Variants in TAFA5 observed in about 807,000 individuals in gnomAD.
The protein encoded by TAFA5 is TAFA chemokine like family member 5, also known as chemokine-like protein TAFA-5.
Under a neutral mutation model 15.3 loss-of-function variants are expected in TAFA5, and 6 were observed. The ratio of observed to expected loss-of-function variants is 0.39; its 90% CI spans 0.21 to 0.77. The LOEUF is 0.77. Ranked by LOEUF, TAFA5 falls within the 30% of genes least tolerant of loss-of-function variation. TAFA5 has a pLI of 0.41. For missense variants in TAFA5, 161 were observed against 193.1 expected, an observed-to-expected ratio of 0.83 and a Z score of 0.98; for synonymous variants, 103 against 80.7, an observed-to-expected ratio of 1.28 and a Z score of -1.48.
intron 1 of TAFA5, among the ~76,000 whole-genome samples, chr22:48,578,872 C>T (rs537623260): frequency 1.2e-3 from 185 of 152,244 alleles, no homozygotes; most frequent in Non-Finnish European, 2.4e-3. Context: ...GGGGGGTGGC[C>T]GACTCTGGTT....
chr22:48,561,027 G>A (rs969785014), intron 1 of TAFA5, among the ~76,000 whole-genome samples: 5 of 152,202 alleles, frequency 3.3e-5, no homozygotes, highest in Non-Finnish European at 7.3e-5. Flanking sequence ...ACTGGGATTT[G>A]TCTGGGTCTG....
In TAFA5 at chr22:48,635,293, G is replaced by A. The variant is rs1009833; in HGVS notation, c.113-11304G>A. ...CGTAGCTGGTGGAGGGCACAGCTGC[G>A]AGAAGCAGAGGCCAGGGGCCTGGGG... On this transcript the variant is annotated intron_variant, in intron 1 of 3. Coordinates refer to ENST00000402357, the MANE Select transcript of TAFA5 (RefSeq NM_001082967.3). 2.1e-3 allele frequency among the ~76,000 whole-genome samples: 322 copies of A among 152,324 alleles called. 11 individuals are homozygous for A. In the East Asian group the frequency reaches 0.052, roughly 25 times the overall value.
At chr22:48,525,973 G>A (rs1376007432) in intron 1 of TAFA5, among the ~76,000 whole-genome samples, 1 of 152,264 alleles carries the variant, frequency 6.6e-6, no homozygotes, top group East Asian at 1.9e-4. Context: ...CTGGACAAGG[G>A]CACCAAATGG....
At chr22:48,747,350 C>T (rs941464020) in intron 3 of TAFA5, among the ~76,000 whole-genome samples, 1 of 152,166 alleles carries the variant, frequency 6.6e-6, no homozygotes. Context: ...GTGCAGGAAG[C>T]GTTGGGGCCT....
intron 3 of TAFA5, among the ~76,000 whole-genome samples, chr22:48,737,659 C>T (rs771825133): frequency 4.3e-4 from 65 of 152,316 alleles, no homozygotes; most frequent in Admixed American, 1.3e-3. Context: ...CCTTCACACG[C>T]CCTTCGATGT....
intron 2 of TAFA5, 40 bp from the exon 3 acceptor site, chr22:48,707,677 G>A (rs777701464): frequency 1.2e-6 from 2 of 1,608,128 alleles, no homozygotes; most frequent in Non-Finnish European, 1.7e-6. Context: ...CACGATCCAT[G>A]AGAGTAGCAC....
chr22:48,517,910 C>T (rs566466015), intron 1 of TAFA5, among the ~76,000 whole-genome samples: 1 of 152,340 alleles, frequency 6.6e-6, no homozygotes, highest in South Asian at 2.1e-4. Context: ...CAGTGGCGCT[C>T]ACATGTGACG....
intron 1 of TAFA5, among the ~76,000 whole-genome samples, chr22:48,536,170 C>T (rs764626151): frequency 6.6e-6 from 1 of 152,256 alleles, no homozygotes; most frequent in African/African-American, 2.4e-5. Flanking sequence ...TCTCTGTCTT[C>T]ATGCGTCCCC....
At chr22:48,571,531 C>G (rs551422491) in intron 1 of TAFA5, among the ~76,000 whole-genome samples, 11 of 144,000 alleles carry the variant, frequency 7.6e-5, no homozygotes, top group African/African-American at 2.5e-4. Context: ...CCTTGGCCTC[C>G]CAAAGTGCTG....
At chr22:48,709,208 T>C (rs5771740) in intron 3 of TAFA5, among the ~76,000 whole-genome samples, 116,338 of 152,128 alleles carry the variant, frequency 0.76, 45,138 homozygotes, top group African/African-American at 0.9. Flanking sequence ...CCCCGAGGCA[T>C]GCGGACAGGA....
Position 48,749,850 on chromosome 22 carries a change from A to C in TAFA5, c.*3A>C, listed in dbSNP as rs755907615. On this transcript the variant is annotated 3_prime_UTR_variant, in exon 4 of 4. Coordinates refer to ENST00000402357, the MANE Select transcript of TAFA5 (RefSeq NM_001082967.3). ...TCTTTGCTCCTCAGGTCTCCTGACA[A>C]ACACAGCCCCTGAGGGGCCCCGGGA... 5.1e-6 allele frequency: 8 copies of C among 1,559,698 alleles called. No individual in the cohort carries two copies. The highest frequency in any genetic ancestry group is 6.9e-6 in the Non-Finnish European group (8 of 1,151,142).
intron 1 of TAFA5, among the ~76,000 whole-genome samples, chr22:48,641,159 C>T (rs1466612573): frequency 2.0e-5 from 3 of 150,452 alleles, no homozygotes; most frequent in Admixed American, 6.6e-5. Flanking sequence ...GTGGGGGCAC[C>T]GTGGCCCCCC....
Position 48,593,481 on chromosome 22 carries a change from G to C in TAFA5, c.113-53116G>C, listed in dbSNP as rs150168372. Among the ~76,000 whole-genome samples, 971 of 152,198 alleles carry C rather than the reference G, an allele frequency of 6.4e-3. 9 individuals carry two copies. Among genetic ancestry groups the C allele is most frequent in the Admixed American group, 9.2e-3 (141 of 15,292 alleles). On this transcript the variant is annotated intron_variant, in intron 1 of 3. Transcript: ENST00000402357. ...CTGAGCTGGCTGTCTGGGCTCGGGG[G>C]GTGTCTCAGGGCACAGGACTGATGG...
chr22:48,583,750 C>T (rs867264152), intron 1 of TAFA5, among the ~76,000 whole-genome samples: 12 of 152,126 alleles, frequency 7.9e-5, no homozygotes, highest in Non-Finnish European at 1.5e-4. Context: ...AGACACCACA[C>T]ACACAGTACA....
intron 1 of TAFA5, among the ~76,000 whole-genome samples, chr22:48,638,421 A>T (rs1383266321): frequency 4.3e-5 from 4 of 93,102 alleles, no homozygotes; most frequent in Admixed American, 1.2e-4. Flanking sequence ...AAGCCCTGGG[A>T]CACCGCACAC....
rs78092154 is a variant in TAFA5 at position 48,713,290 on chromosome 22, G to C, written c.390+5446G>C. On this transcript the variant is annotated intron_variant, in intron 3 of 3. Transcript: ENST00000402357. Reference sequence around the variant, plus strand: ...TTCTGAGGACGTGCAGACGGCAGCTGCCGCTGATCTCGTGGGGGCTCGGAT... The same window carrying C: ...TTCTGAGGACGTGCAGACGGCAGCTCCCGCTGATCTCGTGGGGGCTCGGAT... Among the ~76,000 whole-genome samples, 202 of 152,356 alleles carry C rather than the reference G, an allele frequency of 1.3e-3. 7 individuals carry two copies. The East Asian group carries it at 0.034, about 25-fold the overall frequency.
intron 2 of TAFA5, among the ~76,000 whole-genome samples, chr22:48,659,084 G>T (rs999436847): frequency 2.0e-5 from 3 of 152,246 alleles, no homozygotes; most frequent in South Asian, 2.1e-4. Flanking sequence ...CCTGCTGAGG[G>T]CGCAGCGCCT....
chr22:48,623,186 C>T lies in TAFA5; in HGVS notation c.113-23411C>T, dbSNP rs892378969. On this transcript the variant is annotated intron_variant, in intron 1 of 3. Transcript: ENST00000402357. The stretch of plus-strand genomic sequence containing the variant: ...GCGGTGGGATGGATGAGCATGGTTT[C>T]GCCAGCAGCCGCAGCCTGTTGCGTG... Among the ~76,000 whole-genome samples, 8 of 152,126 alleles carry T rather than the reference C, an allele frequency of 5.3e-5. No homozygotes were observed. In the East Asian group the frequency reaches 7.7e-4, roughly 15 times the overall value.
intron 1 of TAFA5, among the ~76,000 whole-genome samples, chr22:48,565,184 C>T (rs1209720007): frequency 6.6e-6 from 1 of 152,202 alleles, no homozygotes; most frequent in African/African-American, 2.4e-5. Flanking sequence ...TTGAGGCAGG[C>T]CCAGGGAACA....
Sources: allele counts gnomAD v4.1 joint callset (sites outside exome capture counted in the v4.1 genomes callset), GRCh38; gene constraint gnomAD v4.1.1; transcripts MANE v1.5; gene names NCBI Gene and HGNC (gene_info 2026-07-23, HGNC 2026-07-21).